Variants in HHIP observed in about 807,000 individuals in gnomAD.
HHIP encodes hedgehog interacting protein, also known as hedgehog-interacting protein.
Under a neutral mutation model 74.0 loss-of-function variants are expected in HHIP, and 12 were observed. The observed-to-expected ratio is 0.16, with a 90% CI of 0.10 to 0.26. The LOEUF (loss-of-function observed/expected upper bound fraction) is 0.26. Among genes scored for constraint, HHIP ranks in the 10% least tolerant of loss-of-function variants. The probability of loss-of-function intolerance (pLI) is 1.00; values close to 1 mark genes in which losing one functional copy is unlikely to be tolerated. For synonymous variants in HHIP, 309 were observed against 311.6 expected, an observed-to-expected ratio of 0.99 and a Z score of 0.09; for missense variants, 788 against 845.0, an observed-to-expected ratio of 0.93 and a Z score of 0.84.
At chr4:144,670,455 CAAA>C (rs70956805) in intron 4 of HHIP, among the ~76,000 whole-genome samples, 2 of 116,722 alleles carry the variant, frequency 1.7e-5, no homozygotes, top group African/African-American at 3.1e-5. Context: ...AAGAGACTGT[CAAA>C]AAAAAAAAAA....
At chr4:144,661,601 G>A (rs1376882699) in intron 4 of HHIP, among the ~76,000 whole-genome samples, 1 of 152,088 alleles carries the variant, frequency 6.6e-6, no homozygotes, top group East Asian at 1.9e-4. Flanking sequence ...CTTTATCTCA[G>A]TGTCTGTGGA....
rs762754919 is a variant in HHIP at position 144,715,421 on chromosome 4, G to A, written c.1669G>A (p.Asp557Asn). 1.2e-6 allele frequency: 2 copies of A among 1,613,280 alleles called. No homozygotes were observed. Among genetic ancestry groups the A allele is most frequent in the Non-Finnish European group, 8.5e-7 (1 of 1,179,414 alleles). Residue 557 changes from aspartate to asparagine, a missense_variant, in exon 10 of 13, where the codon GAT (aspartate) becomes AAT (asparagine). Physicochemically the swap from Asp to Asn is conservative, Grantham distance 23. Transcript: ENST00000296575. Reference sequence around the variant, plus strand: ...CGGTCACATCTTGGGATTTGGAGAAGATGAACTAGGTACTGTACAATCTAG... The same window carrying A: ...CGGTCACATCTTGGGATTTGGAGAAAATGAACTAGGTACTGTACAATCTAG... Reference protein sequence around the residue: ...FSGHILGFGEDELGEVYILSS... With the variant: ...FSGHILGFGENELGEVYILSS...
chr4:144,682,341 C>T (rs1729369386), intron 4 of HHIP, among the ~76,000 whole-genome samples: 2 of 152,246 alleles, frequency 1.3e-5, no homozygotes, highest in African/African-American at 2.4e-5. Flanking sequence ...AAAGGAAATG[C>T]AGTGTTTTCC....
chr4:144,646,935 T>C lies in HHIP; in HGVS notation c.260T>C (p.Leu87Pro), dbSNP rs1460403493. The C allele has an allele frequency of 1.2e-6, 2 of 1,610,704 alleles. No homozygotes were observed. The highest frequency in any genetic ancestry group is 2.7e-5 in the African/African-American group (2 of 74,792). Reference sequence around the variant, plus strand: ...TGCCTGCGGAGTGACAGCCCGGGGCTAGGGCGCCTGGAGAATAAGGTAGGC... The same window carrying C: ...TGCCTGCGGAGTGACAGCCCGGGGCCAGGGCGCCTGGAGAATAAGGTAGGC... ...SCCLRSDSPG[L>P]GRLENKIFSV... The change falls in exon 1 of 13, where the codon CTA becomes CCA. Residue 87 changes from leucine (L) to proline (P), a missense_variant. This residue lies in a region of HHIP where 373 missense variants were observed against 366.4 expected (regional missense o/e 1.02). Coordinates refer to ENST00000296575, the MANE Select transcript of HHIP (RefSeq NM_022475.3).
chr4:144,678,166 T>A (rs1201189345), intron 4 of HHIP, among the ~76,000 whole-genome samples: 2 of 152,202 alleles, frequency 1.3e-5, no homozygotes, highest in Non-Finnish European at 2.9e-5. Flanking sequence ...TATTAGGGAA[T>A]CACTGTAATT....
intron 10 of HHIP, among the ~76,000 whole-genome samples, chr4:144,716,029 C>T (rs927277521): frequency 1.3e-5 from 2 of 151,670 alleles, no homozygotes; most frequent in African/African-American, 4.8e-5. Context: ...GCTTAAAAAG[C>T]AAAAAAGAAG....
chr4:144,736,832 G>T (rs1731133305), intron 12 of HHIP, among the ~76,000 whole-genome samples: 1 of 152,128 alleles, frequency 6.6e-6, no homozygotes, highest in Non-Finnish European at 1.5e-5. Flanking sequence ...ATCTCCCACA[G>T]ATTTAAAGCA....
At chr4:144,727,476 A>G (rs1730836834) in intron 11 of HHIP, among the ~76,000 whole-genome samples, 1 of 152,192 alleles carries the variant, frequency 6.6e-6, no homozygotes, top group African/African-American at 2.4e-5. Flanking sequence ...TTTCAGGAAC[A>G]TGTACATTGA....
intron 4 of HHIP, among the ~76,000 whole-genome samples, chr4:144,702,009 T>C (rs6822018): frequency 0.56 from 84,941 of 151,876 alleles, 24,019 homozygotes; most frequent in South Asian, 0.77. Context: ...AAAATAGGGC[T>C]GAGTGTGGTG....
Position 144,744,845 on chromosome 4 carries a change from G to T in HHIP, c.*6888G>T, listed in dbSNP as rs1459374582. 1 of 152,080 alleles carries T rather than the reference G, an allele frequency of 6.6e-6. No homozygotes were observed. Among genetic ancestry groups the T allele is most frequent in the Non-Finnish European group, 1.5e-5 (1 of 68,034 alleles). The allele number at this position is 152,080 out of a possible 1,614,324, so 9.4% of individuals were successfully genotyped here. On this transcript the variant is annotated 3_prime_UTR_variant, in exon 13 of 13. Coordinates refer to ENST00000296575, the MANE Select transcript of HHIP (RefSeq NM_022475.3). ...GCAAAAGACAATAATCACATCCAAC[G>T]GCACCAGTTCAGCTCAACTTTAGAA...
At chr4:144,674,584 T>G (rs1283387581) in intron 4 of HHIP, among the ~76,000 whole-genome samples, 2 of 152,158 alleles carry the variant, frequency 1.3e-5, no homozygotes, top group Non-Finnish European at 2.9e-5. Flanking sequence ...GTTCTCTATT[T>G]GGATTGCTGG....
At chr4:144,659,295 TTCTC>T (rs749509969) in intron 3 of HHIP, among the ~76,000 whole-genome samples, 1 of 152,230 alleles carries the variant, frequency 6.6e-6, no homozygotes, top group Non-Finnish European at 1.5e-5. Flanking sequence ...TCTTAGAACT[TTCTC>T]TCTACATGCC....
At chr4:144,705,224 C>T (rs1018835913) in intron 4 of HHIP, among the ~76,000 whole-genome samples, 2 of 152,100 alleles carry the variant, frequency 1.3e-5, no homozygotes, top group South Asian at 4.1e-4. Flanking sequence ...ACTTTTCTGC[C>T]TAAACCTTTC....
chr4:144,711,794 G>A lies in HHIP; in HGVS notation c.1302-156G>A, dbSNP rs538777870. Among the ~76,000 whole-genome samples, 6 of 152,206 alleles carry A rather than the reference G, an allele frequency of 3.9e-5. No homozygotes were observed. In the East Asian group the frequency reaches 7.7e-4, roughly 20 times the overall value. Reference sequence around the variant, plus strand: ...CTTCAACCAAGTAAGCAAACACATCGGACTACTTCCTTCAGTGCTTTCTAG... The same window carrying A: ...CTTCAACCAAGTAAGCAAACACATCAGACTACTTCCTTCAGTGCTTTCTAG... On this transcript the variant is annotated intron_variant, in intron 7 of 12. Coordinates refer to ENST00000296575, the MANE Select transcript of HHIP (RefSeq NM_022475.3).
intron 4 of HHIP, among the ~76,000 whole-genome samples, chr4:144,691,296 G>T (rs1729656131): frequency 6.6e-6 from 1 of 152,014 alleles, no homozygotes; most frequent in Non-Finnish European, 1.5e-5. Flanking sequence ...AAACTTCAAG[G>T]TTTATTATAT....
chr4:144,735,308 C>G (rs1490563942), intron 12 of HHIP, among the ~76,000 whole-genome samples: 1 of 152,168 alleles, frequency 6.6e-6, no homozygotes, highest in Non-Finnish European at 1.5e-5. Context: ...TGCTTGCTTT[C>G]CTACCACAGC....
chr4:144,675,856 T>G (rs1729156288), intron 4 of HHIP, among the ~76,000 whole-genome samples: 1 of 152,158 alleles, frequency 6.6e-6, no homozygotes, highest in Admixed American at 6.6e-5. Flanking sequence ...TGGTTTATAT[T>G]TCAGTTTATA....
chr4:144,666,569 A>G (rs1453123729), intron 4 of HHIP, among the ~76,000 whole-genome samples: 2 of 152,216 alleles, frequency 1.3e-5, no homozygotes, highest in Non-Finnish European at 2.9e-5. Context: ...GCTAGCAAGT[A>G]CCACAGACAG....
At chr4:144,689,727 A>G (rs1729592308) in intron 4 of HHIP, among the ~76,000 whole-genome samples, 1 of 152,208 alleles carries the variant, frequency 6.6e-6, no homozygotes. Context: ...TTTTTCTACT[A>G]ATATCAAATA....
Sources: allele counts gnomAD v4.1 joint callset (sites outside exome capture counted in the v4.1 genomes callset), GRCh38; gene constraint gnomAD v4.1.1; regional missense constraint gnomAD v4.1.1; transcripts MANE v1.5; gene names NCBI Gene and HGNC (gene_info 2026-07-23, HGNC 2026-07-21).